Variants in KIAA1549L observed in about 807,000 individuals in gnomAD.
KIAA1549L encodes KIAA1549 like, also known as UPF0606 protein KIAA1549L.
Under a neutral mutation model 160.7 loss-of-function variants are expected in KIAA1549L, and 88 were observed. The ratio of observed to expected loss-of-function variants is 0.55; its 90% CI spans 0.46 to 0.65. The LOEUF is 0.65. Among genes scored for constraint, KIAA1549L ranks in the 30% least tolerant of loss-of-function variants. KIAA1549L has a pLI of 0.00. For missense variants in KIAA1549L, 2,258 were observed against 2,437.5 expected, an observed-to-expected ratio of 0.93 and a Z score of 1.55; for synonymous variants, 950 against 976.7, an observed-to-expected ratio of 0.97 and a Z score of 0.51.
At chr11:33,458,782 A>T (rs995936927) in intron 1 of KIAA1549L, among the ~76,000 whole-genome samples, 1 of 152,194 alleles carries the variant, frequency 6.6e-6, no homozygotes, top group African/African-American at 2.4e-5. Flanking sequence ...CAAGTGGCAG[A>T]TGTCATTCTG....
At chr11:33,603,356 G>C (rs888298474) in intron 13 of KIAA1549L, among the ~76,000 whole-genome samples, 7 of 151,890 alleles carry the variant, frequency 4.6e-5, no homozygotes, top group African/African-American at 1.7e-4. Flanking sequence ...GTAATGAAGG[G>C]GGGATTAGAT....
intron 1 of KIAA1549L, chr11:33,403,345 GCAGA>G (rs1264222007): frequency 4.6e-4 from 2 of 4,374 alleles, no homozygotes; most frequent in African/African-American, 1.3e-3. Context: ...ATGCAGACAC[GCAGA>G]CAGACACACA....
chr11:33,472,080 G>A (rs1852189366), intron 1 of KIAA1549L, among the ~76,000 whole-genome samples: 1 of 151,976 alleles, frequency 6.6e-6, no homozygotes. Context: ...CCACATTCCT[G>A]TTGGTGCCTC....
At position 33,656,234 on chromosome 11, in the gene KIAA1549L, G is replaced by C. The variant is rs144365586; in HGVS notation, c.5858+125G>C. The C allele has an allele frequency of 1.1e-3, 752 of 695,376 alleles. 2 individuals carry two copies. Among genetic ancestry groups the C allele is most frequent in the Non-Finnish European group, 1.4e-3 (530 of 389,300 alleles). The allele number at this position is 695,376 out of a possible 1,614,324, so 43.1% of individuals were successfully genotyped here. ...CCACCCCATCCAGGGTGTGTCACCTGTACAGACAACCATGCGCCTGTGGCA... is the reference window on the plus strand; with the variant it reads ...CCACCCCATCCAGGGTGTGTCACCTCTACAGACAACCATGCGCCTGTGGCA... On this transcript the variant is annotated intron_variant, in intron 18 of 20. Transcript: ENST00000658780.
intron 1 of KIAA1549L, among the ~76,000 whole-genome samples, chr11:33,468,454 A>G (rs1301819682): frequency 6.6e-6 from 1 of 152,234 alleles, no homozygotes; most frequent in African/African-American, 2.4e-5. Context: ...CACCCAGTCA[A>G]CACCTAGTGT....
At chr11:33,404,535 C>CAAACA (rs1439303303) in intron 1 of KIAA1549L, among the ~76,000 whole-genome samples, 1 of 150,114 alleles carries the variant, frequency 6.7e-6, no homozygotes, top group African/African-American at 2.5e-5. Context: ...TCAAAACAAA[C>CAAACA]AAACAAAACA....
At chr11:33,386,263 A>G (rs1590212336) in intron 1 of KIAA1549L, among the ~76,000 whole-genome samples, 1 of 152,290 alleles carries the variant, frequency 6.6e-6, no homozygotes, top group East Asian at 1.9e-4. Context: ...TCCCTTCTCT[A>G]GCAAATTTGC....
rs372399886 is a variant in KIAA1549L at position 33,583,375 on chromosome 11, C to T, written c.4440C>T (p.Ile1480=). 3.9e-5 allele frequency: 62 copies of T among 1,605,892 alleles called. 1 individual carries two copies. The highest frequency in any genetic ancestry group is 1.6e-4 in the South Asian group (14 of 89,014). The stretch of plus-strand genomic sequence containing the variant: ...ACCCGCCCAATAACCTGTGGATCAT[C>T]GCTGCAGTGCTGGCGCCCATTGCCG... ...VKNPPNNLWI[I]AAVLAPIAVV... is the part of the protein sequence containing the mutation. Residue 1480 remains isoleucine, a synonymous_variant, in exon 11 of 21, where the codon ATC becomes ATT. Transcript: ENST00000658780.
intron 1 of KIAA1549L, among the ~76,000 whole-genome samples, chr11:33,476,044 A>C (rs1188080042): frequency 6.6e-6 from 1 of 152,130 alleles, no homozygotes; most frequent in Non-Finnish European, 1.5e-5. Context: ...GATCTTTTAA[A>C]ACCTGGAAAC....
At position 33,505,639 on chromosome 11, in the gene KIAA1549L, T is replaced by A. The variant is rs184340262; in HGVS notation, c.239-36163T>A. 1.2e-3 allele frequency among the ~76,000 whole-genome samples: 177 copies of A among 152,334 alleles called. No homozygotes were observed. The South Asian group carries it at 0.025, about 22-fold the overall frequency. ...TTATATCTGTTCATTCCCCTGTTGTTTCTGGTCTGAGCAAAGCAATGGGAC... is the reference window on the plus strand; with the variant it reads ...TTATATCTGTTCATTCCCCTGTTGTATCTGGTCTGAGCAAAGCAATGGGAC... On this transcript the variant is annotated intron_variant, in intron 1 of 20. Transcript: ENST00000658780.
At chr11:33,610,278 A>G (rs1590395215) in intron 15 of KIAA1549L, among the ~76,000 whole-genome samples, 1 of 152,210 alleles carries the variant, frequency 6.6e-6, no homozygotes, top group Non-Finnish European at 1.5e-5. Context: ...CTAATGGTGC[A>G]ACTTCCAGAT....
chr11:33,622,905 C>T (rs1218026801), intron 16 of KIAA1549L, among the ~76,000 whole-genome samples: 6 of 152,148 alleles, frequency 3.9e-5, no homozygotes, highest in Admixed American at 3.3e-4. Context: ...TGATGTCAAG[C>T]CTATAGGCTG....
intron 1 of KIAA1549L, among the ~76,000 whole-genome samples, chr11:33,405,649 C>G (rs1850630367): frequency 6.6e-6 from 1 of 151,692 alleles, no homozygotes; most frequent in Non-Finnish European, 1.5e-5. Flanking sequence ...AGAGAACATC[C>G]TGGCCAACAT....
intron 1 of KIAA1549L, among the ~76,000 whole-genome samples, chr11:33,472,189 C>T (rs1852192584): frequency 1.3e-5 from 2 of 150,892 alleles, no homozygotes; most frequent in African/African-American, 4.9e-5. Context: ...GACTTGAGTA[C>T]AGTGCAGTGA....
chr11:33,566,676 A>G (rs1461062469), intron 8 of KIAA1549L, among the ~76,000 whole-genome samples: 4 of 152,160 alleles, frequency 2.6e-5, no homozygotes, highest in African/African-American at 7.2e-5. Flanking sequence ...CATTCTCTGT[A>G]TCTGTTGTCG....
intron 3 of KIAA1549L, 130 bp downstream of exon 3, chr11:33,545,508 T>C: frequency 8.8e-7 from 1 of 1,142,050 alleles, no homozygotes; most frequent in Non-Finnish European, 1.2e-6. Context: ...CATTTGGCTA[T>C]GTCTGGAGAC....
At chr11:33,529,295 A>G (rs1401494391) in intron 1 of KIAA1549L, among the ~76,000 whole-genome samples, 6 of 152,094 alleles carry the variant, frequency 3.9e-5, no homozygotes, top group Non-Finnish European at 1.5e-5. Context: ...TGAGCATGCT[A>G]CTGCACTCCA....
intron 1 of KIAA1549L, among the ~76,000 whole-genome samples, chr11:33,530,437 ATATATATATATATATATATATATAT>A (rs1480844170): frequency 1.6e-3 from 5 of 3,192 alleles, no homozygotes; most frequent in African/African-American, 5.1e-3. Flanking sequence ...AAAAAAAAAA[ATATATATATATATATATATATATAT>A]ATATATATAT....
At chr11:33,596,701 T>A (rs1013004497) in intron 12 of KIAA1549L, among the ~76,000 whole-genome samples, 1 of 152,236 alleles carries the variant, frequency 6.6e-6, no homozygotes, top group Non-Finnish European at 1.5e-5. Context: ...ATTGCACCAC[T>A]GCACTCCAGG....
Sources: allele counts gnomAD v4.1 joint callset (sites outside exome capture counted in the v4.1 genomes callset), GRCh38; gene constraint gnomAD v4.1.1; transcripts MANE v1.5; gene names NCBI Gene and HGNC (gene_info 2026-07-23, HGNC 2026-07-21).